Variants in PPM1A observed in about 807,000 individuals in gnomAD.
PPM1A encodes protein phosphatase 1A.
In PPM1A, 7 loss-of-function variants were observed where a neutral mutation model predicts 35.0. The observed-to-expected ratio is 0.20, with a 90% confidence interval of 0.11 to 0.38. The LOEUF is 0.38. PPM1A is among the 10% of genes least tolerant of loss of function. The probability of loss-of-function intolerance (pLI) is 1.00; values close to 1 mark genes in which losing one functional copy is unlikely to be tolerated. For synonymous variants in PPM1A, 153 were observed against 167.3 expected (o/e 0.91, Z 0.66); for missense variants, 239 against 467.8 (o/e 0.51, Z 4.51).
intron 1 of PPM1A, among the ~76,000 whole-genome samples, chr14:60,252,982 C>A (rs115635856): frequency 6.6e-6 from 1 of 152,048 alleles, no homozygotes; most frequent in Non-Finnish European, 1.5e-5. Context: ...TTTCTGTATA[C>A]CTGTATCTAA....
intron 1 of PPM1A, chr14:60,256,825 A>C (rs1883189943): frequency 6.6e-6 from 1 of 152,184 alleles, no homozygotes; most frequent in Admixed American, 6.5e-5. Flanking sequence ...ACTTTGCAGA[A>C]ATAATTTGTT....
At chr14:60,254,957 G>A (rs1449621277) in intron 1 of PPM1A, among the ~76,000 whole-genome samples, 1 of 152,032 alleles carries the variant, frequency 6.6e-6, no homozygotes, top group Admixed American at 6.6e-5. Context: ...TCTGGAACAC[G>A]CTCTTTTCTC....
intron 2 of PPM1A, among the ~76,000 whole-genome samples, chr14:60,284,581 G>A (rs111566977): frequency 0.013 from 1,892 of 150,602 alleles, 46 homozygotes; most frequent in African/African-American, 0.044. Flanking sequence ...GGCGGAGCTT[G>A]CAGTGAGCCG....
At chr14:60,278,945 C>T (rs1391902282) in intron 1 of PPM1A, among the ~76,000 whole-genome samples, 2 of 152,020 alleles carry the variant, frequency 1.3e-5, no homozygotes, top group Non-Finnish European at 2.9e-5. Flanking sequence ...AATATGTCAC[C>T]TTGGATGGAT....
intron 1 of PPM1A, among the ~76,000 whole-genome samples, chr14:60,259,182 CTA>C (rs1486121046): frequency 1.3e-5 from 2 of 152,042 alleles, no homozygotes; most frequent in African/African-American, 4.8e-5. Context: ...GTGAGTGACT[CTA>C]TTTTGAAAAA....
At chr14:60,280,449 T>A (rs1223704552) in intron 1 of PPM1A, among the ~76,000 whole-genome samples, 2 of 152,278 alleles carry the variant, frequency 1.3e-5, no homozygotes, top group Non-Finnish European at 2.9e-5. Flanking sequence ...TTCATGCTAT[T>A]GGTGAATTCG....
chr14:60,276,207 G>T (rs1480899109), intron 1 of PPM1A, among the ~76,000 whole-genome samples: 3 of 152,194 alleles, frequency 2.0e-5, no homozygotes, highest in African/African-American at 4.8e-5. Flanking sequence ...GGTAGCAGTA[G>T]AGAGTTTACG....
Position 60,249,618 on chromosome 14 carries a change from C to G in PPM1A, c.-80C>G. On this transcript the variant is annotated 5_prime_UTR_variant, in exon 1 of 6. Transcript: ENST00000395076. This position sits in a 1 kb window ranked among gnomAD's most constrained non-coding sequence, Gnocchi z 4.5. ...CGTCGCCGCCGCGGTGACCCCCTCC[C>G]CGGCTGCCGCCGCCGCCGCCTCGGC... 2.0e-6 allele frequency: 2 copies of G among 987,268 alleles called. No homozygotes were observed. Among genetic ancestry groups the G allele is most frequent in the East Asian group, 2.3e-4 (2 of 8,832 alleles). 61.2% of individuals were successfully genotyped at this position (987,268 alleles called of 1,614,324 possible).
At chr14:60,274,898 A>T (rs1885573971) in intron 1 of PPM1A, among the ~76,000 whole-genome samples, 1 of 151,574 alleles carries the variant, frequency 6.6e-6, no homozygotes, top group African/African-American at 2.4e-5. Context: ...CCTCTTTTCA[A>T]CTTCTGAATT....
At chr14:60,276,678 G>A (rs1211490713) in intron 1 of PPM1A, among the ~76,000 whole-genome samples, 1 of 152,106 alleles carries the variant, frequency 6.6e-6, no homozygotes, top group Admixed American at 6.6e-5. Context: ...AACTTTTTAA[G>A]GTTTCTGCTC....
At position 60,289,929 on chromosome 14, in the gene PPM1A, G is replaced by A. The variant is rs774019755; in HGVS notation, c.1061+15G>A. ...TTGGCAAGCAAGTAAGTTACATTCT[G>A]TACACTCTTATGCTTTATGTCAGTG... On this transcript the variant is annotated intron_variant, in intron 4 of 5. Transcript: ENST00000395076. This position sits in a 1 kb window ranked among gnomAD's most constrained non-coding sequence, Gnocchi z 4.1. The A allele has an allele frequency of 2.0e-6, 3 of 1,494,936 alleles. No homozygotes were observed. Among genetic ancestry groups the A allele is most frequent in the Admixed American group, 4.3e-5 (2 of 46,554 alleles). 92.6% of individuals were successfully genotyped at this position (1,494,936 alleles called of 1,614,324 possible). A position where few individuals can be genotyped will look rare whatever the true frequency, so the allele number is the denominator to read the frequency against.
rs1381755884 is a variant in PPM1A at position 60,293,450 on chromosome 14, T to C, written c.*968T>C. 1 of 152,060 alleles carries C rather than the reference T, an allele frequency of 6.6e-6. No homozygotes were observed. Among genetic ancestry groups the C allele is most frequent in the African/African-American group, 2.4e-5 (1 of 41,438 alleles). The allele number at this position is 152,060 out of a possible 1,614,324, so 9.4% of individuals were successfully genotyped here. The stretch of plus-strand genomic sequence containing the variant: ...TTTCTCATAGGGAAAGATGTTAGTC[T>C]CTTTTAATTGGACAACACTGTCACT... On this transcript the variant is annotated 3_prime_UTR_variant, in exon 6 of 6. Transcript: ENST00000395076. The surrounding 1 kb of genome is among the most constrained non-coding windows in gnomAD (Gnocchi z 4.0).
intron 1 of PPM1A, among the ~76,000 whole-genome samples, chr14:60,268,961 G>A (rs1207004078): frequency 6.9e-6 from 1 of 143,948 alleles, no homozygotes; most frequent in African/African-American, 2.6e-5. Context: ...TTTTTGGTCT[G>A]TGGGGTAGGA....
intron 2 of PPM1A, 145 bp from the exon 3 acceptor site, chr14:60,285,479 T>TGCGC: frequency 2.8e-6 from 2 of 710,334 alleles, no homozygotes; most frequent in Non-Finnish European, 4.2e-6. Flanking sequence ...CACGCACGCA[T>TGCGC]GCGTGCACAT....
chr14:60,289,909 A>C lies in PPM1A; in HGVS notation c.1056A>C (p.Ala352=). The C allele has an allele frequency of 6.3e-7, 1 of 1,577,690 alleles. No homozygotes were observed. Among genetic ancestry groups the C allele is most frequent in the Non-Finnish European group, 8.6e-7 (1 of 1,165,884 alleles). ...IPSLPPGGEL[A]SKRNVIEAVY... is the part of the protein sequence containing the mutation. ...GCCTCCCACCAGGGGGTGAATTGGC[A>C]AGCAAGTAAGTTACATTCTGTACAC... Residue 352 remains alanine, a synonymous_variant, in exon 4 of 6, where the codon GCA becomes GCC. Coordinates refer to ENST00000395076, the MANE Select transcript of PPM1A (RefSeq NM_021003.5). The surrounding 1 kb of genome is among the most constrained non-coding windows in gnomAD (Gnocchi z 4.1).
intron 1 of PPM1A, among the ~76,000 whole-genome samples, chr14:60,255,273 G>A (rs566516502): frequency 3.4e-5 from 5 of 145,894 alleles, no homozygotes; most frequent in African/African-American, 7.9e-5. Context: ...CCGGGTTCAC[G>A]CCATTCTCCT....
intron 1 of PPM1A, among the ~76,000 whole-genome samples, chr14:60,266,319 C>A (rs571909983): frequency 6.0e-4 from 91 of 152,046 alleles, no homozygotes; most frequent in African/African-American, 2.1e-3. Flanking sequence ...GCTTAAAAGA[C>A]GTTTGCTTTT....
intron 5 of PPM1A, 76 bp downstream of exon 5, chr14:60,291,530 A>T: frequency 8.0e-7 from 1 of 1,252,480 alleles, no homozygotes; most frequent in Non-Finnish European, 1.1e-6. Flanking sequence ...CTGTTTTTGC[A>T]GAGCTGTTCA....
chr14:60,256,348 G>A (rs1430220961), intron 1 of PPM1A, among the ~76,000 whole-genome samples: 3 of 152,172 alleles, frequency 2.0e-5, no homozygotes, highest in African/African-American at 7.2e-5. Flanking sequence ...CAGGGGAATT[G>A]CTTGAACCCG....
Sources: allele counts gnomAD v4.1 joint callset (sites outside exome capture counted in the v4.1 genomes callset), GRCh38; gene constraint gnomAD v4.1.1; non-coding constraint Gnocchi (gnomAD v3.1); transcripts MANE v1.5; gene names NCBI Gene and HGNC (gene_info 2026-07-23, HGNC 2026-07-21).